The following ANKRD34B variants were observed in gnomAD, a reference collection of about 807,000 sequenced individuals.
The protein encoded by ANKRD34B is ankyrin repeat domain-containing protein 34B.
ANKRD34B carries 2 observed loss-of-function variants against 4.4 expected under a neutral mutation model. The observed-to-expected ratio is 0.46, with a 90% CI of 0.19 to 1.44. The LOEUF is 1.44. Ranked by LOEUF, ANKRD34B falls within the 40% of genes most tolerant of loss-of-function variation. The pLI, the probability that ANKRD34B is intolerant of heterozygous loss-of-function variation, is 0.26. For missense variants in ANKRD34B, 558 were observed against 604.7 expected (o/e 0.92, Z 0.81); for synonymous variants, 226 against 227.1 (o/e 0.99, Z 0.05).
In ANKRD34B at chr5:80,559,604, C is replaced by T. The variant is rs147332608; in HGVS notation, c.416G>A (p.Ser139Asn). The change falls in exon 5 of 5, where the codon AGT (serine) becomes AAT (asparagine). Residue 139 changes from serine to asparagine, a missense_variant. Transcript: ENST00000338682. ...EDTETLKVLL[S>N]ACKAKGKEVI... is the part of the protein sequence containing the mutation. ...CTCTTTCCCTTTTGCCTTGCAAGCA[C>T]TAAGAAGAACTTTCAGGGTCTCTGT... The T allele has an allele frequency of 9.2e-5, 149 of 1,614,138 alleles. 1 individual carries two copies. In the Middle Eastern group the frequency reaches 1.3e-3, roughly 14 times the overall value.
At chr5:80,560,855 T>C (rs1247959422) in intron 4 of ANKRD34B, among the ~76,000 whole-genome samples, 1 of 152,216 alleles carries the variant, frequency 6.6e-6, no homozygotes, top group East Asian at 1.9e-4. Flanking sequence ...GGGACATTTT[T>C]ATGTTTCTTT....
intron 2 of ANKRD34B, among the ~76,000 whole-genome samples, chr5:80,568,182 G>T (rs941172628): frequency 6.6e-5 from 10 of 152,132 alleles, no homozygotes; most frequent in African/African-American, 2.4e-4. Context: ...CTGTTAAAAA[G>T]AAAATTCTAG....
At position 80,559,900 on chromosome 5, in the gene ANKRD34B, G is replaced by A. The variant is rs559948107; in HGVS notation, c.120C>T (p.Asn40=). ...LEGGAYINES[N]DRGETPLMIA... is the part of the protein sequence containing the mutation. The stretch of plus-strand genomic sequence containing the variant: ...TCATTAAAGGGGTTTCCCCACGGTC[G>A]TTGCTCTCATTAATGTAGGCACCGC... Residue 40 remains asparagine (N), a synonymous_variant, in exon 5 of 5, where the codon AAC becomes AAT. Transcript: ENST00000338682. 38 of 1,614,198 alleles carry A rather than the reference G, an allele frequency of 2.4e-5. No individual in the cohort carries two copies. The East Asian group carries it at 4.2e-4, about 18-fold the overall frequency.
Position 80,559,436 on chromosome 5 carries a change from G to C in ANKRD34B, c.584C>G (p.Ser195Ter). The C allele has an allele frequency of 6.2e-7, 1 of 1,614,204 alleles. No individual in the cohort carries two copies. Among genetic ancestry groups the C allele is most frequent in the Non-Finnish European group, 8.5e-7 (1 of 1,180,042 alleles). Residue 195 changes from serine (S) to a stop codon, truncating the protein, a stop_gained, in exon 5 of 5, where the codon TCA becomes TGA. Transcript: ENST00000338682. LOFTEE classifies it low-confidence loss of function (END_TRUNC). ...TPSEIDIKTASSPLSHSSETE... is the reference protein window; with the variant it reads ...TPSEIDIKTA Reference sequence around the variant, plus strand: ...TTCAGAAGAATGTGAAAGTGGCGATGAGGCAGTTTTGATGTCTATTTCTGA... The same window carrying C: ...TTCAGAAGAATGTGAAAGTGGCGATCAGGCAGTTTTGATGTCTATTTCTGA...
At position 80,559,295 on chromosome 5, in the gene ANKRD34B, A is replaced by G. The variant is rs142793882; in HGVS notation, c.725T>C (p.Leu242Pro). 166 of 1,614,012 alleles carry G rather than the reference A, an allele frequency of 1.0e-4. 1 individual carries two copies. In the African/African-American group the frequency reaches 2.1e-3, roughly 20 times the overall value. ...KPALAPKGPK[L>P]PHAPPWVKSP... ...CTTGACCCAGGGTGGAGCGTGGGGG[A>G]GCTTGGGCCCCTTAGGGGCCAATGC... Residue 242 changes from leucine (L) to proline (P), a missense_variant, in exon 5 of 5, where the codon CTC becomes CCC. Transcript: ENST00000338682.
chr5:80,565,795 GCTT>G (rs144156475), intron 3 of ANKRD34B, among the ~76,000 whole-genome samples: 2,480 of 152,294 alleles, frequency 0.016, 53 homozygotes, highest in African/African-American at 0.056. Context: ...AAGATGCTAT[GCTT>G]CTTCTCATTT....
In ANKRD34B at chr5:80,557,683, G is replaced by T. The variant is rs549309804; in HGVS notation, c.*792C>A. ...AAACTAATAACAGGAATTAAAAGATGATATGGAGAAAGAATAATTCCTTAA... is the reference window on the plus strand; with the variant it reads ...AAACTAATAACAGGAATTAAAAGATTATATGGAGAAAGAATAATTCCTTAA... On this transcript the variant is annotated 3_prime_UTR_variant, in exon 5 of 5. Transcript: ENST00000338682. 1 of 145,210 alleles carries T rather than the reference G, an allele frequency of 6.9e-6. No individual in the cohort carries two copies. The highest frequency in any genetic ancestry group is 6.7e-5 in the Admixed American group (1 of 15,028). The allele number at this position is 145,210 out of a possible 1,614,324, so 9.0% of individuals were successfully genotyped here. A position where few individuals can be genotyped will look rare whatever the true frequency, so the allele number is the denominator to read the frequency against.
chr5:80,569,300 G>C (rs1272889616), intron 1 of ANKRD34B, among the ~76,000 whole-genome samples, 193 bp from the exon 2 acceptor site: 1 of 152,182 alleles, frequency 6.6e-6, no homozygotes, highest in Admixed American at 6.5e-5. Context: ...CCCGCCGGCC[G>C]GACGCGGCCC....
In ANKRD34B at chr5:80,559,300, G is replaced by A; in HGVS notation, c.720C>T (p.Pro240=). The part of the protein sequence containing the change: ...VRKPALAPKG[P]KLPHAPPWVK... ...CCCAGGGTGGAGCGTGGGGGAGCTT[G>A]GGCCCCTTAGGGGCCAATGCAGGTT... Residue 240 remains proline (P), a synonymous_variant, in exon 5 of 5, where the codon CCC becomes CCT. Transcript: ENST00000338682. 1.9e-6 allele frequency: 3 copies of A among 1,614,060 alleles called. No homozygotes were observed. The highest frequency in any genetic ancestry group is 2.5e-6 in the Non-Finnish European group (3 of 1,180,028).
chr5:80,560,054 A>C lies in ANKRD34B; in HGVS notation c.-23-12T>G. 6.9e-7 allele frequency: 1 copy of C among 1,456,054 alleles called. No individual in the cohort carries two copies. The allele number at this position is 1,456,054 out of a possible 1,614,324, so 90.2% of individuals were successfully genotyped here. On this transcript the variant is annotated splice_polypyrimidine_tract_variant and intron_variant, in intron 4 of 4. Coordinates refer to ENST00000338682, the MANE Select transcript of ANKRD34B (RefSeq NM_001004441.3). ...TTAGAACTCAATACCTGGTTATCAA[A>C]GATGGCAAAGACCAAAAGATTAGCC...
chr5:80,560,437 C>T (rs1413511914), intron 4 of ANKRD34B, among the ~76,000 whole-genome samples: 1 of 152,124 alleles, frequency 6.6e-6, no homozygotes, highest in Non-Finnish European at 1.5e-5. Context: ...AGGAGGATTA[C>T]TTGAGGCCAG....
Position 80,558,746 on chromosome 5 carries a change from G to A in ANKRD34B, c.1274C>T (p.Ala425Val). 6.2e-7 allele frequency: 1 copy of A among 1,614,146 alleles called. No individual in the cohort carries two copies. Among genetic ancestry groups the A allele is most frequent in the Non-Finnish European group, 8.5e-7 (1 of 1,180,022 alleles). The change falls in exon 5 of 5, where the codon GCA (alanine) becomes GTA (valine). Residue 425 changes from alanine (A) to valine (V), a missense_variant. Physicochemically the swap from Ala to Val is moderately conservative, Grantham distance 64. Transcript: ENST00000338682. Reference sequence around the variant, plus strand: ...TCCTGAACCTCGCCTTTCTAAAACTGCATGATTTCTCCTGCTCAGGGGACC... The same window carrying A: ...TCCTGAACCTCGCCTTTCTAAAACTACATGATTTCTCCTGCTCAGGGGACC... ...PPGPLSRRNH[A>V]VLERRGSGAF...
rs1276731646 is a variant in ANKRD34B, at chr5:80,557,102, GAAGGCA to G, written c.*1367_*1372del. 6.6e-6 allele frequency: 1 copy of G among 152,512 alleles called. No homozygotes were observed. Among genetic ancestry groups the G allele is most frequent in the Non-Finnish European group, 1.5e-5 (1 of 68,002 alleles). 9.4% of individuals were successfully genotyped at this position (152,512 alleles called of 1,614,324 possible). On this transcript the variant is annotated 3_prime_UTR_variant, in exon 5 of 5. Transcript: ENST00000338682. ...CAATTGTTAGGATCACCTCTACTTG[GAAGGCA>G]AAGAAAGTTGTACGTGACAATCATC...
intron 2 of ANKRD34B, among the ~76,000 whole-genome samples, chr5:80,568,406 C>G (rs973566438): frequency 2.6e-5 from 4 of 152,204 alleles, no homozygotes; most frequent in Admixed American, 6.5e-5. Context: ...CTGCCACAGC[C>G]TAGAGACGGG....
At chr5:80,569,740 C>T (rs1337799775) in intron 1 of ANKRD34B, among the ~76,000 whole-genome samples, 1 of 152,164 alleles carries the variant, frequency 6.6e-6, no homozygotes. Flanking sequence ...GGGCAGCCCT[C>T]GCCGGTTCCC....
At chr5:80,562,052 C>T (rs1317370037) in intron 4 of ANKRD34B, among the ~76,000 whole-genome samples, 3 of 128,336 alleles carry the variant, frequency 2.3e-5, no homozygotes, top group African/African-American at 8.9e-5. Flanking sequence ...ACTGACTCAG[C>T]GTGTGTGTGT....
chr5:80,559,243 G>A lies in ANKRD34B; in HGVS notation c.777C>T (p.Asn259=). 2 of 1,614,152 alleles carry A rather than the reference G, an allele frequency of 1.2e-6. No individual in the cohort carries two copies. The highest frequency in any genetic ancestry group is 1.7e-6 in the Non-Finnish European group (2 of 1,180,034). The change falls in exon 5 of 5, where the codon AAC becomes AAT. Residue 259 remains asparagine (N), a synonymous_variant. Coordinates refer to ENST00000338682, the MANE Select transcript of ANKRD34B (RefSeq NM_001004441.3). The part of the protein sequence containing the change: ...VKSPPLLMHQ[N]RVASLQEELQ... ...GCTCCTCTTGCAATGAAGCCACTCT[G>A]TTCTGGTGCATTAATAATGGGGGAC... is the stretch of plus-strand genomic sequence containing the variant.
intron 4 of ANKRD34B, among the ~76,000 whole-genome samples, chr5:80,562,077 G>GTGTGTC (rs1273428723): frequency 8.5e-6 from 1 of 118,080 alleles, no homozygotes; most frequent in Admixed American, 8.4e-5. Context: ...GTGTGTGTGT[G>GTGTGTC]TGTGTGTGTG....
Position 80,558,458 on chromosome 5 carries a change from T to C in ANKRD34B, c.*17A>G. On this transcript the variant is annotated 3_prime_UTR_variant, in exon 5 of 5. Transcript: ENST00000338682. Reference sequence around the variant, plus strand: ...CTGATATAAACATTTGAAGAAGATGTGTTTTATACCCATCTCCTAGAAGTT... The same window carrying C: ...CTGATATAAACATTTGAAGAAGATGCGTTTTATACCCATCTCCTAGAAGTT... 6.8e-7 allele frequency: 1 copy of C among 1,480,100 alleles called. No homozygotes were observed. Among genetic ancestry groups the C allele is most frequent in the Non-Finnish European group, 9.3e-7 (1 of 1,077,386 alleles). The allele number at this position is 1,480,100 out of a possible 1,614,324, so 91.7% of individuals were successfully genotyped here.
Sources: gnomAD v4.1 joint callset for allele counts (sites outside exome capture counted in the v4.1 genomes callset) on GRCh38, gnomAD v4.1.1 for gene constraint, MANE v1.5 for transcripts, NCBI Gene and HGNC (gene_info 2026-07-23, HGNC 2026-07-21) for gene names.